The following AGMAT variants were observed in gnomAD, a reference collection of about 807,000 sequenced individuals.
AGMAT encodes the protein agmatinase (putative).
AGMAT carries 37 observed loss-of-function variants against 29.3 expected under a neutral mutation model. That is an observed-to-expected ratio of 1.26 (90% CI 0.97 to 1.66). The LOEUF (loss-of-function observed/expected upper bound fraction) is 1.66. AGMAT is among the 40% of genes most tolerant of loss of function. The pLI is 0.00. For synonymous variants in AGMAT, 199 were observed against 200.8 expected (o/e 0.99, Z 0.08); for missense variants, 498 against 497.8 (o/e 1.00, Z 0.00).
chr1:15,585,038 G>C lies in AGMAT; in HGVS notation c.-71C>G, dbSNP rs1639169391. 2 of 1,262,768 alleles carry C rather than the reference G, an allele frequency of 1.6e-6. No homozygotes were observed. The highest frequency in any genetic ancestry group is 2.9e-5 in the South Asian group (1 of 34,630). 78.2% of individuals were successfully genotyped at this position (1,262,768 alleles called of 1,614,324 possible). A position where few individuals can be genotyped will look rare whatever the true frequency, so the allele number is the denominator to read the frequency against. ...CGCCGCGATCTGGCTGGTCCCGAAC[G>C]GCGAGGCGAGTGTGCACGCGCCAGA... is the stretch of plus-strand genomic sequence containing the variant. On this transcript the variant is annotated 5_prime_UTR_variant, in exon 1 of 7. Transcript: ENST00000375826.
At chr1:15,581,746 G>A (rs903806421) in intron 2 of AGMAT, among the ~76,000 whole-genome samples, 8 of 151,880 alleles carry the variant, frequency 5.3e-5, no homozygotes, top group South Asian at 2.1e-4. Flanking sequence ...GTGGTGGCAC[G>A]CGCCTGTAAT....
chr1:15,582,865 G>A (rs1639134484), intron 2 of AGMAT, among the ~76,000 whole-genome samples: 2 of 152,174 alleles, frequency 1.3e-5, no homozygotes, highest in Non-Finnish European at 2.9e-5. Context: ...AGGCATGGTG[G>A]TGGGCGCCTG....
At chr1:15,581,565 ATATTT>A (rs901053340) in intron 2 of AGMAT, among the ~76,000 whole-genome samples, 3 of 151,990 alleles carry the variant, frequency 2.0e-5, no homozygotes, top group African/African-American at 2.4e-5. Flanking sequence ...AAGAAACTGA[ATATTT>A]TATTTTAATT....
At position 15,579,701 on chromosome 1, in the gene AGMAT, G is replaced by A. The variant is rs143319249; in HGVS notation, c.524+393C>T. Among the ~76,000 whole-genome samples, 287 of 152,324 alleles carry A rather than the reference G, an allele frequency of 1.9e-3. 2 individuals are homozygous for A. The highest frequency in any genetic ancestry group is 3.4e-3 in the Non-Finnish European group (234 of 68,034). On this transcript the variant is annotated intron_variant, in intron 3 of 6. Coordinates refer to ENST00000375826, the MANE Select transcript of AGMAT (RefSeq NM_024758.5). ...TTGATTGAGAAAGGTGCCCTTTCAG[G>A]AGGAAACAAGGGCCTCTCAGCAAGG...
At position 15,578,871 on chromosome 1, in the gene AGMAT, G is replaced by T. The variant is rs1639074383; in HGVS notation, c.708C>A (p.Tyr236Ter). The T allele has an allele frequency of 6.2e-7, 1 of 1,614,072 alleles. No individual in the cohort carries two copies. The highest frequency in any genetic ancestry group is 8.5e-7 in the Non-Finnish European group (1 of 1,179,950). The change falls in exon 4 of 7, where the codon TAC becomes TAA. Residue 236 changes from tyrosine (Y) to a stop codon, truncating the protein, a stop_gained. Transcript: ENST00000375826. LOFTEE classifies it high-confidence loss of function. ...TTCGGTCTGTCACCTGGCTCCGGTTGTATCTGTAGGGATCCAAGGTCGTGG... is the reference window on the plus strand; with the variant it reads ...TTCGGTCTGTCACCTGGCTCCGGTTTTATCTGTAGGGATCCAAGGTCGTGG... The part of the protein sequence containing the change: ...GSSTTLDPYR[Y>*]NRSQGFRVVL...
At position 15,573,488 on chromosome 1, in the gene AGMAT, G is replaced by C; in HGVS notation, c.*163C>G. On this transcript the variant is annotated 3_prime_UTR_variant, in exon 7 of 7. Coordinates refer to ENST00000375826, the MANE Select transcript of AGMAT (RefSeq NM_024758.5). Reference sequence around the variant, plus strand: ...AAGTTCCTTAGAAATGTTGCTGTTTGGGTGAGAATTCTACTGATTATCCCG... The same window carrying C: ...AAGTTCCTTAGAAATGTTGCTGTTTCGGTGAGAATTCTACTGATTATCCCG... The C allele has an allele frequency of 1.7e-6, 1 of 575,930 alleles. No homozygotes were observed. Among genetic ancestry groups the C allele is most frequent in the Admixed American group, 3.0e-5 (1 of 33,222 alleles). The allele number at this position is 575,930 out of a possible 1,614,324, so 35.7% of individuals were successfully genotyped here. A position where few individuals can be genotyped will look rare whatever the true frequency, so the allele number is the denominator to read the frequency against.
intron 5 of AGMAT, 166 bp from the exon 6 acceptor site, chr1:15,575,007 A>G (rs528467424): frequency 3.4e-6 from 2 of 580,356 alleles, no homozygotes; most frequent in Non-Finnish European, 6.3e-6. Context: ...AGAGAAACAG[A>G]TAATGCGTAC....
rs765951504 is a variant in AGMAT, at chr1:15,574,884, T to TA, written c.901-44dup. On this transcript the variant is annotated intron_variant, in intron 5 of 6. Coordinates refer to ENST00000375826, the MANE Select transcript of AGMAT (RefSeq NM_024758.5). ...TGAGTTGTCCACAGTGGTAATCATT[T>TA]ACAGTGAAAAGCACCCAGTAGAGCT... is the stretch of plus-strand genomic sequence containing the variant. 1.7e-5 allele frequency: 26 copies of TA among 1,536,708 alleles called. 1 individual carries two copies. In the South Asian group the frequency reaches 2.9e-4, roughly 17 times the overall value.
In AGMAT at chr1:15,576,912, G is replaced by A. The variant is rs371843039; in HGVS notation, c.900+773C>T. On this transcript the variant is annotated intron_variant, in intron 5 of 6. Coordinates refer to ENST00000375826, the MANE Select transcript of AGMAT (RefSeq NM_024758.5). ...TTACAGGCACCCGCCACCGCGCCCG[G>A]CTAATTTTTTTGTATTTTTAGTAGA... 8.6e-5 allele frequency among the ~76,000 whole-genome samples: 13 copies of A among 150,856 alleles called. No homozygotes were observed. In the East Asian group the frequency reaches 2.6e-3, roughly 30 times the overall value.
chr1:15,575,854 T>C (rs1639030802), intron 5 of AGMAT: 1 of 151,950 alleles, frequency 6.6e-6, no homozygotes, highest in South Asian at 2.1e-4. Context: ...CCAGGCTCAG[T>C]TGATCCTCCT....
rs1192855678 is a variant in AGMAT, at chr1:15,572,234, GTTTTT to G, written c.*1412_*1416del. ...TTTTTGTTTTGTTTTGTTTTGTTTT[GTTTTT>G]TAGTAGAGACGGGGTTTCACCATGT... On this transcript the variant is annotated 3_prime_UTR_variant, in exon 7 of 7. Transcript: ENST00000375826. 1 of 139,072 alleles carries G rather than the reference GTTTTT, an allele frequency of 7.2e-6. No individual in the cohort carries two copies. Among genetic ancestry groups the G allele is most frequent in the Non-Finnish European group, 1.5e-5 (1 of 64,924 alleles). 8.6% of individuals were successfully genotyped at this position (139,072 alleles called of 1,614,324 possible). A position where few individuals can be genotyped will look rare whatever the true frequency, so the allele number is the denominator to read the frequency against.
intron 4 of AGMAT, 73 bp from the exon 5 acceptor site, chr1:15,577,937 C>T: frequency 2.7e-6 from 4 of 1,456,882 alleles, no homozygotes; most frequent in Non-Finnish European, 3.8e-6. Context: ...GCCCCATGCT[C>T]AGCTCTGTGT....
chr1:15,583,370 C>T lies in AGMAT; in HGVS notation c.298G>A (p.Glu100Lys). ...ARFGPRRIREESVMLGTVNPS... is the reference protein window; with the variant it reads ...ARFGPRRIREKSVMLGTVNPS... Reference sequence around the variant, plus strand: ...TTGACTGTCCCAAGCATCACTGATTCTTCCCGGATGCGGCGAGGTCCGAAT... The same window carrying T: ...TTGACTGTCCCAAGCATCACTGATTTTTCCCGGATGCGGCGAGGTCCGAAT... Residue 100 changes from glutamate to lysine, a missense_variant, in exon 2 of 7, where the codon GAA becomes AAA. Physicochemically the swap from Glu to Lys is moderately conservative, Grantham distance 56. Coordinates refer to ENST00000375826, the MANE Select transcript of AGMAT (RefSeq NM_024758.5). The T allele has an allele frequency of 1.9e-6, 3 of 1,614,020 alleles. No homozygotes were observed. Among genetic ancestry groups the T allele is most frequent in the Non-Finnish European group, 2.5e-6 (3 of 1,179,984 alleles).
chr1:15,578,573 GTGTGAGCCAC>G (rs751572013), intron 4 of AGMAT, among the ~76,000 whole-genome samples: 3 of 151,912 alleles, frequency 2.0e-5, no homozygotes, highest in Non-Finnish European at 4.4e-5. Context: ...GGGATTACAG[GTGTGAGCCAC>G]TGTGCCCGGC....
chr1:15,573,853 G>A (rs1638995340), intron 6 of AGMAT, 129 bp from the exon 7 acceptor site: 1 of 702,838 alleles, frequency 1.4e-6, no homozygotes, highest in East Asian at 2.8e-5. Context: ...CCCCTCTAGG[G>A]TGCCCGCCAG....
At position 15,584,842 on chromosome 1, in the gene AGMAT, G is replaced by A. The variant is rs1402051829; in HGVS notation, c.126C>T (p.Asn42=). 1 of 1,431,014 alleles carries A rather than the reference G, an allele frequency of 7.0e-7. No homozygotes were observed. The highest frequency in any genetic ancestry group is 9.1e-7 in the Non-Finnish European group (1 of 1,097,394). The allele number at this position is 1,431,014 out of a possible 1,614,324, so 88.6% of individuals were successfully genotyped here. A position where few individuals can be genotyped will look rare whatever the true frequency, so the allele number is the denominator to read the frequency against. The change falls in exon 1 of 7, where the codon AAC becomes AAT. Residue 42 remains asparagine (N), a synonymous_variant. Transcript: ENST00000375826. ...CCACGAACTCGGGGCTGGGGGGCTG[G>A]TTCCGGGGCGCGTCGGAAGCCTGGC... The part of the protein sequence containing the change: ...QSRQASDAPR[N]QPPSPEFVAR...
At chr1:15,581,745 C>T (rs1477673875) in intron 2 of AGMAT, among the ~76,000 whole-genome samples, 7 of 151,712 alleles carry the variant, frequency 4.6e-5, no homozygotes, top group East Asian at 3.9e-4. Context: ...CGTGGTGGCA[C>T]GCGCCTGTAA....
rs1324418636 is a variant in AGMAT, at chr1:15,572,011, G to A, written c.*1640C>T. Among the ~76,000 whole-genome samples, 1 of 151,914 alleles carries A rather than the reference G, an allele frequency of 6.6e-6. No individual in the cohort carries two copies. Among genetic ancestry groups the A allele is most frequent in the Non-Finnish European group, 1.5e-5 (1 of 67,992 alleles). On this transcript the variant is annotated 3_prime_UTR_variant, in exon 7 of 7. Coordinates refer to ENST00000375826, the MANE Select transcript of AGMAT (RefSeq NM_024758.5). ...AATACAAAAATTAGCCGGGCGTGGT[G>A]ACGCATGACTGTAATTCTAGCTACT...
chr1:15,582,034 C>T (rs933002122), intron 2 of AGMAT, among the ~76,000 whole-genome samples: 3 of 151,854 alleles, frequency 2.0e-5, no homozygotes, highest in African/African-American at 4.8e-5. Flanking sequence ...TTTGGAAGGC[C>T]GAGGTGGGCA....
Sources: allele counts gnomAD v4.1 joint callset (sites outside exome capture counted in the v4.1 genomes callset), GRCh38; gene constraint gnomAD v4.1.1; transcripts MANE v1.5; gene names NCBI Gene and HGNC (gene_info 2026-07-23, HGNC 2026-07-21).